Variants in RGS20 observed in about 807,000 individuals in gnomAD.
RGS20 encodes the protein gz-selective GTPase-activating protein.
RGS20 carries 30 observed loss-of-function variants against 33.6 expected under a neutral mutation model. The ratio of observed to expected loss-of-function variants is 0.89; its 90% CI spans 0.67 to 1.21. The LOEUF (loss-of-function observed/expected upper bound fraction) is 1.21, where lower values mean the gene tolerates loss of function less well. Among genes scored for constraint, RGS20 ranks in the 50% most tolerant of loss-of-function variants. RGS20 has a pLI of 0.00. For missense variants in RGS20, 472 were observed against 502.4 expected, an observed-to-expected ratio of 0.94 and a Z score of 0.58; for synonymous variants, 208 against 197.9, an observed-to-expected ratio of 1.05 and a Z score of -0.43.
At chr8:53,891,445 C>T (rs190811983) in intron 2 of RGS20, among the ~76,000 whole-genome samples, 2 of 152,168 alleles carry the variant, frequency 1.3e-5, no homozygotes, top group East Asian at 1.9e-4. Flanking sequence ...ATAGCAAAAC[C>T]TCATCTCTAC....
intron 2 of RGS20, among the ~76,000 whole-genome samples, chr8:53,906,867 A>T (rs1358672021): frequency 6.6e-6 from 1 of 152,144 alleles, no homozygotes. Context: ...CTAAGGTAAA[A>T]TCATAGCATC....
chr8:53,853,196 CAG>C (rs1337736932), intron 1 of RGS20, among the ~76,000 whole-genome samples: 2 of 152,152 alleles, frequency 1.3e-5, no homozygotes, highest in Non-Finnish European at 2.9e-5. Context: ...TTTGAGGAAA[CAG>C]AGAGCAACAA....
intron 2 of RGS20, among the ~76,000 whole-genome samples, chr8:53,920,735 T>C (rs1232840916): frequency 1.3e-5 from 2 of 152,138 alleles, no homozygotes; most frequent in African/African-American, 4.8e-5. Context: ...ATATTATTTA[T>C]CATGAAATGC....
chr8:53,880,864 G>A lies in RGS20; in HGVS notation c.510+1262G>A, dbSNP rs993374103. ...CGGGTAAAAGGAGTGAGGGGGCGGG[G>A]AGGAGGCAGAGCAAGGGGAGGAAGA... On this transcript the variant is annotated intron_variant, in intron 2 of 5. Transcript: ENST00000297313. The A allele has an allele frequency of 6.7e-5, 97 of 1,439,142 alleles. No homozygotes were observed. In the Middle Eastern group the frequency reaches 8.2e-4, roughly 12 times the overall value. The allele number at this position is 1,439,142 out of a possible 1,614,324, so 89.1% of individuals were successfully genotyped here.
At chr8:53,947,012 GTTATT>G (rs1024989939) in intron 4 of RGS20, among the ~76,000 whole-genome samples, 45 of 148,122 alleles carry the variant, frequency 3.0e-4, no homozygotes, top group Non-Finnish European at 3.7e-4. Flanking sequence ...AACATATTAT[GTTATT>G]TTATTTTTAT....
At chr8:53,896,155 C>T (rs956995726) in intron 2 of RGS20, among the ~76,000 whole-genome samples, 15 of 152,066 alleles carry the variant, frequency 9.9e-5, no homozygotes, top group Non-Finnish European at 1.8e-4. Context: ...TGGCATGAGC[C>T]TTAGTCCCTG....
chr8:53,944,837 C>A (rs969480049), intron 3 of RGS20, among the ~76,000 whole-genome samples: 3 of 152,090 alleles, frequency 2.0e-5, no homozygotes, highest in African/African-American at 7.2e-5. Context: ...CAAAGATGTA[C>A]AAATAGCTAG....
At chr8:53,863,727 CTT>C (rs370117372) in intron 1 of RGS20, among the ~76,000 whole-genome samples, 40 of 129,170 alleles carry the variant, frequency 3.1e-4, no homozygotes, top group Middle Eastern at 4.1e-3. Flanking sequence ...TTTGTTTTAT[CTT>C]TTTTTTTTTT....
At chr8:53,953,048 G>C (rs1228415306) in intron 4 of RGS20, among the ~76,000 whole-genome samples, 2 of 152,132 alleles carry the variant, frequency 1.3e-5, no homozygotes, top group Non-Finnish European at 2.9e-5. Flanking sequence ...CTAGAGACTC[G>C]GAAAGGTGGA....
chr8:53,933,606 T>A (rs1814039320), intron 2 of RGS20: 2 of 152,296 alleles, frequency 1.3e-5, no homozygotes, highest in South Asian at 4.1e-4. Context: ...AATATGGGAC[T>A]ATGAGAAAGA....
chr8:53,933,223 C>T (rs1459950598), intron 2 of RGS20, among the ~76,000 whole-genome samples: 3 of 152,144 alleles, frequency 2.0e-5, no homozygotes, highest in African/African-American at 7.2e-5. Flanking sequence ...GATCACAACT[C>T]GTTGCCAGCA....
intron 2 of RGS20, among the ~76,000 whole-genome samples, chr8:53,891,138 C>A (rs936514543): frequency 3.3e-5 from 5 of 152,118 alleles, no homozygotes; most frequent in African/African-American, 1.2e-4. Flanking sequence ...CCTTTATGTC[C>A]ACAGCTTGTG....
intron 1 of RGS20, among the ~76,000 whole-genome samples, chr8:53,873,222 T>C (rs1433156835): frequency 6.6e-6 from 1 of 152,170 alleles, no homozygotes; most frequent in East Asian, 1.9e-4. Context: ...CTCCAAAAGC[T>C]GGACAAATGC....
At chr8:53,904,039 C>T (rs1453035391) in intron 2 of RGS20, among the ~76,000 whole-genome samples, 1 of 151,660 alleles carries the variant, frequency 6.6e-6, no homozygotes, top group African/African-American at 2.4e-5. Flanking sequence ...GATGAGTTTT[C>T]TTGAACAACT....
intron 5 of RGS20, among the ~76,000 whole-genome samples, chr8:53,955,876 T>C (rs1814851080): frequency 6.6e-6 from 1 of 152,134 alleles, no homozygotes; most frequent in Non-Finnish European, 1.5e-5. Context: ...GTCAGATTGT[T>C]CTCAAATTGG....
In RGS20 at chr8:53,914,038, T is replaced by TG. The variant is rs112828410; in HGVS notation, c.511-25538_511-25537insG. The TG allele has an allele frequency of 6.4e-4, 43 of 67,008 alleles. No individual in the cohort carries two copies. In the African/African-American group the frequency reaches 8.6e-3, roughly 13 times the overall value. The allele number at this position is 67,008 out of a possible 1,614,324, so 4.2% of individuals were successfully genotyped here. A position where few individuals can be genotyped will look rare whatever the true frequency, so the allele number is the denominator to read the frequency against. ...TCTTTTCTCTTTTTTCCAATCTCTC[T>TG]TTTTTTTTTTGAAACAGGGTCCCGC... On this transcript the variant is annotated intron_variant, in intron 2 of 5. Coordinates refer to ENST00000297313, the MANE Select transcript of RGS20 (RefSeq NM_170587.4).
At chr8:53,858,727 C>T (rs1811738648) in intron 1 of RGS20, among the ~76,000 whole-genome samples, 1 of 151,760 alleles carries the variant, frequency 6.6e-6, no homozygotes, top group Admixed American at 6.6e-5. Context: ...ATTGAGACGC[C>T]CCCAAGCAAG....
At chr8:53,919,889 T>TTTTGTTTG (rs745901758) in intron 2 of RGS20, among the ~76,000 whole-genome samples, 2 of 151,970 alleles carry the variant, frequency 1.3e-5, no homozygotes, top group Non-Finnish European at 2.9e-5. Flanking sequence ...TACTTAGATT[T>TTTTGTTTG]TTTGTTTGTT....
At position 53,852,020 on chromosome 8, in the gene RGS20, A is replaced by G. The variant is rs760839823; in HGVS notation, c.121A>G (p.Ile41Val). 1 of 1,614,124 alleles carries G rather than the reference A, an allele frequency of 6.2e-7. No homozygotes were observed. Among genetic ancestry groups the G allele is most frequent in the Non-Finnish European group, 8.5e-7 (1 of 1,179,976 alleles). The change falls in exon 1 of 6, where the codon ATC (isoleucine) becomes GTC (valine). Residue 41 changes from isoleucine (I) to valine (V), a missense_variant. This residue lies in a region of RGS20 where 28 missense variants were observed against 49.6 expected (regional missense o/e 0.57). Transcript: ENST00000297313. ...GAGATATAATACAGACATTCACCAA[A>G]TCACAGAAAATGAAGGAGACCTCAG... is the stretch of plus-strand genomic sequence containing the variant.
Sources: allele counts gnomAD v4.1 joint callset (sites outside exome capture counted in the v4.1 genomes callset), GRCh38; gene constraint gnomAD v4.1.1; regional missense constraint gnomAD v4.1.1; transcripts MANE v1.5; gene names NCBI Gene and HGNC (gene_info 2026-07-23, HGNC 2026-07-21).